The following ZNF609 variants were observed in gnomAD, a reference collection of about 807,000 sequenced individuals.
ZNF609 encodes the protein zinc finger protein 609.
A neutral mutation model predicts 109.5 loss-of-function variants in ZNF609; 11 were observed. That is an observed-to-expected ratio of 0.10 (90% CI 0.06 to 0.17). The LOEUF (loss-of-function observed/expected upper bound fraction) is 0.17, where lower values mean the gene tolerates loss of function less well. Ranked by LOEUF, ZNF609 falls within the 10% of genes least tolerant of loss-of-function variation. The probability of loss-of-function intolerance (pLI) is 1.00; values close to 1 mark genes in which losing one functional copy is unlikely to be tolerated. For synonymous variants in ZNF609, 646 were observed against 662.0 expected, an observed-to-expected ratio of 0.98 and a Z score of 0.37; for missense variants, 1,559 against 1,772.4, an observed-to-expected ratio of 0.88 and a Z score of 2.16.
rs560619775 is a variant in ZNF609, at chr15:64,485,144, A to G, written c.-127-14149A>G. Reference sequence around the variant, plus strand: ...ACCAAGGTTTGTTTATATTTGTGATACTGTGTATTCTGTTGACCCCGAAGA... The same window carrying G: ...ACCAAGGTTTGTTTATATTTGTGATGCTGTGTATTCTGTTGACCCCGAAGA... On this transcript the variant is annotated intron_variant, in intron 1 of 9. Transcript: ENST00000326648. Among the ~76,000 whole-genome samples, 13 of 152,320 alleles carry G rather than the reference A, an allele frequency of 8.5e-5. No homozygotes were observed. The South Asian group carries it at 2.5e-3, about 29-fold the overall frequency.
intron 3 of ZNF609, among the ~76,000 whole-genome samples, chr15:64,624,410 G>T (rs1000187093): frequency 1.3e-5 from 2 of 152,024 alleles, no homozygotes; most frequent in Non-Finnish European, 2.9e-5. Context: ...AGACATATCC[G>T]GACCATATCT....
intron 2 of ZNF609, among the ~76,000 whole-genome samples, chr15:64,580,416 T>G (rs903101867): frequency 8.5e-5 from 13 of 152,176 alleles, no homozygotes; most frequent in Admixed American, 1.3e-4. Context: ...GGAGTTAGCT[T>G]TACTAACATT....
In ZNF609 at chr15:64,602,889, A is replaced by ATTTTTTTTT. The variant is rs10600562; in HGVS notation, c.748-19917_748-19909dup. 3.4e-3 allele frequency among the ~76,000 whole-genome samples: 258 copies of ATTTTTTTTT among 75,172 alleles called. 4 individuals carry two copies. The highest frequency in any genetic ancestry group is 4.4e-3 in the Non-Finnish European group (191 of 42,942). 49.3% of individuals were successfully genotyped at this position (75,172 alleles called of 152,430 possible). On this transcript the variant is annotated intron_variant, in intron 2 of 9. Transcript: ENST00000326648. ...AGGTGCCTGCCACCACTCTGGGCTA[A>ATTTTTTTTT]TTTTTTTTTTTTTTTTTTTTTTTTT... is the stretch of plus-strand genomic sequence containing the variant.
At chr15:64,531,484 G>A (rs1158923068) in intron 2 of ZNF609, among the ~76,000 whole-genome samples, 8 of 152,082 alleles carry the variant, frequency 5.3e-5, no homozygotes, top group African/African-American at 1.4e-4. Flanking sequence ...TGCAACTTCC[G>A]CCTTCTGGGT....
chr15:64,557,599 G>A (rs1051027574), intron 2 of ZNF609, among the ~76,000 whole-genome samples: 1 of 152,176 alleles, frequency 6.6e-6, no homozygotes, highest in African/African-American at 2.4e-5. Flanking sequence ...CTTATAATCA[G>A]TGAAGAGCTA....
chr15:64,559,307 G>A (rs1894641672), intron 2 of ZNF609, among the ~76,000 whole-genome samples: 1 of 152,174 alleles, frequency 6.6e-6, no homozygotes, highest in African/African-American at 2.4e-5. Context: ...AAAACAGAAA[G>A]GGCCAAAAGC....
rs141532710 is a variant in ZNF609, at chr15:64,529,196, C to T, written c.747+29030C>T. 2.8e-4 allele frequency: 205 copies of T among 731,576 alleles called. 4 individuals are homozygous for T. The African/African-American group carries it at 2.9e-3, about 10-fold the overall frequency. The allele number at this position is 731,576 out of a possible 1,614,324, so 45.3% of individuals were successfully genotyped here. A position where few individuals can be genotyped will look rare whatever the true frequency, so the allele number is the denominator to read the frequency against. On this transcript the variant is annotated intron_variant, in intron 2 of 9. Transcript: ENST00000326648. ...TTGTCATGGATGACCTTGGCTGGGGCGCTAAGCAGTTGGTGATGCAGGAGG... is the reference window on the plus strand; with the variant it reads ...TTGTCATGGATGACCTTGGCTGGGGTGCTAAGCAGTTGGTGATGCAGGAGG...
At chr15:64,511,303 C>G (rs1381431116) in intron 2 of ZNF609, among the ~76,000 whole-genome samples, 1 of 151,792 alleles carries the variant, frequency 6.6e-6, no homozygotes, top group Admixed American at 6.6e-5. Context: ...GAAACTCTAT[C>G]ACTACTAAAA....
chr15:64,521,200 T>C (rs766389624), intron 2 of ZNF609, among the ~76,000 whole-genome samples: 1 of 152,134 alleles, frequency 6.6e-6, no homozygotes, highest in Non-Finnish European at 1.5e-5. Flanking sequence ...CATTTTGAAG[T>C]TTGAAAGATC....
chr15:64,656,144 A>G (rs954086868), intron 3 of ZNF609, among the ~76,000 whole-genome samples: 2 of 151,706 alleles, frequency 1.3e-5, no homozygotes, highest in Non-Finnish European at 2.9e-5. Context: ...GCCCACTGCA[A>G]CCTCCGCCTC....
Position 64,552,090 on chromosome 15 carries a change from C to T in ZNF609, c.747+51924C>T, listed in dbSNP as rs1894491447. On this transcript the variant is annotated intron_variant, in intron 2 of 9. Coordinates refer to ENST00000326648, the MANE Select transcript of ZNF609 (RefSeq NM_015042.2). Reference sequence around the variant, plus strand: ...TACGTTGTGCATGTAAGTCCTTTATCAGATGTGATTAGCAAATATTTTCTT... The same window carrying T: ...TACGTTGTGCATGTAAGTCCTTTATTAGATGTGATTAGCAAATATTTTCTT... Among the ~76,000 whole-genome samples, 2 of 151,344 alleles carry T rather than the reference C, an allele frequency of 1.3e-5. 1 individual carries two copies. Among genetic ancestry groups the T allele is most frequent in the Non-Finnish European group, 2.9e-5 (2 of 67,904 alleles).
At chr15:64,553,666 T>C (rs1894527735) in intron 2 of ZNF609, among the ~76,000 whole-genome samples, 1 of 152,052 alleles carries the variant, frequency 6.6e-6, no homozygotes, top group Non-Finnish European at 1.5e-5. Flanking sequence ...TGGCGCAATC[T>C]TGGCTCACTG....
chr15:64,546,789 CT>C (rs1206513622), intron 2 of ZNF609, among the ~76,000 whole-genome samples: 17,266 of 122,482 alleles, frequency 0.14, 1,750 homozygotes, highest in African/African-American at 0.38. Context: ...TTTCATGTTT[CT>C]TTTTTTTTTT....
chr15:64,597,909 C>G (rs781582094), intron 2 of ZNF609, among the ~76,000 whole-genome samples: 4 of 152,138 alleles, frequency 2.6e-5, no homozygotes, highest in Non-Finnish European at 2.9e-5. Flanking sequence ...CCTTACCTAC[C>G]CTACCCTTAT....
intron 1 of ZNF609, among the ~76,000 whole-genome samples, chr15:64,466,877 G>A (rs1478376956): frequency 1.3e-5 from 2 of 151,312 alleles, no homozygotes; most frequent in Admixed American, 6.6e-5. Context: ...TCTAATTACT[G>A]TAGCTATTAT....
At chr15:64,538,444 C>T (rs1367086915) in intron 2 of ZNF609, among the ~76,000 whole-genome samples, 5 of 152,198 alleles carry the variant, frequency 3.3e-5, no homozygotes. Flanking sequence ...TTTGGCTCAT[C>T]ATAGAATGTA....
At chr15:64,594,632 C>G (rs1895359305) in intron 2 of ZNF609, among the ~76,000 whole-genome samples, 1 of 152,038 alleles carries the variant, frequency 6.6e-6, no homozygotes, top group Non-Finnish European at 1.5e-5. Context: ...GCCACTGCAC[C>G]TGGTCACAAA....
intron 2 of ZNF609, among the ~76,000 whole-genome samples, chr15:64,575,694 T>C (rs1032424123): frequency 1.3e-5 from 2 of 152,236 alleles, no homozygotes; most frequent in African/African-American, 4.8e-5. Context: ...AAAAAGGTTA[T>C]GAAATTTAAG....
intron 3 of ZNF609, among the ~76,000 whole-genome samples, chr15:64,667,608 A>G (rs1453885533): frequency 6.6e-6 from 1 of 151,992 alleles, no homozygotes; most frequent in African/African-American, 2.4e-5. Flanking sequence ...GCTACTCAGG[A>G]GGCTGAGGCA....
Sources: gnomAD v4.1 joint callset for allele counts (sites outside exome capture counted in the v4.1 genomes callset) on GRCh38, gnomAD v4.1.1 for gene constraint, MANE v1.5 for transcripts, NCBI Gene and HGNC (gene_info 2026-07-23, HGNC 2026-07-21) for gene names.